Variants in FNDC3B observed in about 807,000 individuals in gnomAD.
FNDC3B encodes fibronectin type III domain-containing protein 3B.
FNDC3B carries 12 observed loss-of-function variants against 151.5 expected under a neutral mutation model. That is an observed-to-expected ratio of 0.08 (90% CI 0.05 to 0.13). The LOEUF is 0.13. FNDC3B is among the 10% of genes least tolerant of loss of function. The probability of loss-of-function intolerance (pLI) is 1.00; values close to 1 mark genes in which losing one functional copy is unlikely to be tolerated. For synonymous variants in FNDC3B, 528 were observed against 549.0 expected (o/e 0.96, Z 0.54); for missense variants, 1,214 against 1,505.3 (o/e 0.81, Z 3.20).
intron 2 of FNDC3B, among the ~76,000 whole-genome samples, chr3:172,129,388 T>C (rs1189986145): frequency 6.6e-6 from 1 of 152,224 alleles, no homozygotes; most frequent in African/African-American, 2.4e-5. Flanking sequence ...TTAGATACTA[T>C]TGGCACCTGG....
At chr3:172,333,258 AC>A (rs1560083995) in intron 14 of FNDC3B, 83 bp downstream of exon 14, 9 of 896,026 alleles carry the variant, frequency 1.0e-5, no homozygotes, top group Non-Finnish European at 1.7e-5. Context: ...GATTGACTCT[AC>A]AGGTTAAAAA....
At chr3:172,116,210 A>G (rs564529886) in intron 2 of FNDC3B, among the ~76,000 whole-genome samples, 1 of 152,372 alleles carries the variant, frequency 6.6e-6, no homozygotes, top group African/African-American at 2.4e-5. Flanking sequence ...ATAAATAACA[A>G]GAAACAATGT....
At chr3:172,057,497 A>G (rs1415646727) in intron 1 of FNDC3B, among the ~76,000 whole-genome samples, 1 of 152,190 alleles carries the variant, frequency 6.6e-6, no homozygotes, top group Non-Finnish European at 1.5e-5. Flanking sequence ...ACTTCTTGTA[A>G]ATTGGAAGAC....
chr3:172,076,089 A>G (rs530357971), intron 1 of FNDC3B, among the ~76,000 whole-genome samples: 73 of 152,194 alleles, frequency 4.8e-4, no homozygotes, highest in Non-Finnish European at 8.1e-4. Context: ...ATTTTGACTC[A>G]TCACCATACT....
Position 172,347,317 on chromosome 3 carries a change from A to G in FNDC3B, c.2470A>G (p.Ile824Val), listed in dbSNP as rs748554730. 1 of 1,613,988 alleles carries G rather than the reference A, an allele frequency of 6.2e-7. No homozygotes were observed. The highest frequency in any genetic ancestry group is 1.3e-5 in the African/African-American group (1 of 74,914). The change falls in exon 21 of 26, where the codon ATA becomes GTA. Residue 824 changes from isoleucine (I) to valine (V), a missense_variant. Around this residue, in one of 7 missense-constraint regions of FNDC3B, gnomAD observed 380 missense variants for 420.9 expected, o/e 0.90. Coordinates refer to ENST00000415807, the MANE Select transcript of FNDC3B (RefSeq NM_022763.4). Reference protein sequence around the residue: ...IYHGTDTRFEIRDLLPAAQYC... With the variant: ...IYHGTDTRFEVRDLLPAAQYC... ...TCATGGGACAGACACCCGTTTTGAA[A>G]TAAGAGACCTGTTGCCTGCTGCACA... is the stretch of plus-strand genomic sequence containing the variant.
intron 7 of FNDC3B, among the ~76,000 whole-genome samples, chr3:172,287,708 T>C (rs1730101123): frequency 6.6e-6 from 1 of 152,234 alleles, no homozygotes; most frequent in African/African-American, 2.4e-5. Flanking sequence ...TAGTCACTGC[T>C]CTGCTGAAGA....
chr3:172,089,091 C>T (rs554114427), intron 1 of FNDC3B, among the ~76,000 whole-genome samples: 1 of 152,198 alleles, frequency 6.6e-6, no homozygotes, highest in South Asian at 2.1e-4. Context: ...TTTTCAATGT[C>T]CTGTGAGCTC....
intron 2 of FNDC3B, among the ~76,000 whole-genome samples, chr3:172,129,632 A>G (rs1205576155): frequency 2.6e-5 from 4 of 152,110 alleles, no homozygotes. Context: ...CTTATTTTTC[A>G]TTAAACTTTG....
intron 4 of FNDC3B, among the ~76,000 whole-genome samples, chr3:172,236,421 G>A (rs1427360066): frequency 6.6e-6 from 1 of 152,184 alleles, no homozygotes; most frequent in Non-Finnish European, 1.5e-5. Flanking sequence ...TGCTGCTTAT[G>A]TTAGATCTTC....
chr3:172,266,791 G>A (rs1728944368), intron 6 of FNDC3B, among the ~76,000 whole-genome samples: 1 of 152,042 alleles, frequency 6.6e-6, no homozygotes, highest in African/African-American at 2.4e-5. Flanking sequence ...TCTCATTTAG[G>A]TCCCATCTGG....
intron 11 of FNDC3B, among the ~76,000 whole-genome samples, chr3:172,323,606 A>G (rs1732196797): frequency 6.6e-6 from 1 of 152,226 alleles, no homozygotes; most frequent in South Asian, 2.1e-4. Flanking sequence ...CCTGGAGATT[A>G]TAATCACATC....
Position 172,108,127 on chromosome 3 carries a change from C to T in FNDC3B, c.-28-4325C>T, listed in dbSNP as rs1661377988. 2.6e-5 allele frequency among the ~76,000 whole-genome samples: 4 copies of T among 151,444 alleles called. No individual in the cohort carries two copies. The South Asian group carries it at 8.3e-4, about 31-fold the overall frequency. ...AGTTTGTGGTGAGCTGAGATCACGC[C>T]ACTGCACTCCATCCTGGGCAACAGA... On this transcript the variant is annotated intron_variant, in intron 1 of 25. Transcript: ENST00000415807.
In FNDC3B at chr3:172,073,226, G is replaced by A. The variant is rs147806755; in HGVS notation, c.-29+33455G>A. On this transcript the variant is annotated intron_variant, in intron 1 of 25. Coordinates refer to ENST00000415807, the MANE Select transcript of FNDC3B (RefSeq NM_022763.4). ...AGCTACTGTGTTAAACACTGGGCCT[G>A]GAACTCTGCTTTGAAAGGTTTGGAG... Among the ~76,000 whole-genome samples the A allele has an allele frequency of 4.7e-4, 72 of 152,332 alleles. 2 individuals carry two copies. The highest frequency in any genetic ancestry group is 1.6e-3 in the African/African-American group (68 of 41,574).
chr3:172,291,143 G>C (rs181732812), intron 7 of FNDC3B, among the ~76,000 whole-genome samples: 4 of 152,236 alleles, frequency 2.6e-5, no homozygotes, highest in Admixed American at 2.0e-4. Context: ...AGGAGAGAAG[G>C]TGCAAGGAGA....
chr3:172,316,265 G>T (rs1365026874), intron 11 of FNDC3B, among the ~76,000 whole-genome samples: 3 of 152,054 alleles, frequency 2.0e-5, no homozygotes, highest in Non-Finnish European at 4.4e-5. Context: ...TTCCCAAAGT[G>T]CTGGGATTAC....
chr3:172,288,959 C>G (rs1386105273), intron 7 of FNDC3B, among the ~76,000 whole-genome samples: 1 of 152,216 alleles, frequency 6.6e-6, no homozygotes, highest in African/African-American at 2.4e-5. Context: ...GTGCCTCCTG[C>G]TTTTGCACAT....
intron 3 of FNDC3B, among the ~76,000 whole-genome samples, chr3:172,219,596 G>A (rs1354436261): frequency 6.6e-6 from 1 of 152,144 alleles, no homozygotes; most frequent in Non-Finnish European, 1.5e-5. Flanking sequence ...CCCATTGAGC[G>A]GATGCTCCTC....
chr3:172,265,249 G>A (rs1728865141), intron 6 of FNDC3B, among the ~76,000 whole-genome samples: 1 of 152,100 alleles, frequency 6.6e-6, no homozygotes, highest in African/African-American at 2.4e-5. Flanking sequence ...TCTATACAAA[G>A]TATATCTCTA....
intron 3 of FNDC3B, among the ~76,000 whole-genome samples, chr3:172,179,834 G>A (rs1313237060): frequency 7.5e-6 from 1 of 132,636 alleles, no homozygotes; most frequent in Non-Finnish European, 1.5e-5. Context: ...CTCCAGCCCA[G>A]GCAACAGAGT....
Sources: allele counts gnomAD v4.1 joint callset (sites outside exome capture counted in the v4.1 genomes callset), GRCh38; gene constraint gnomAD v4.1.1; regional missense constraint gnomAD v4.1.1; transcripts MANE v1.5; gene names NCBI Gene and HGNC (gene_info 2026-07-23, HGNC 2026-07-21).